The following ANO3 variants were observed in gnomAD, a reference collection of about 807,000 sequenced individuals.
ANO3 encodes the protein anoctamin 3, also known as anoctamin-3.
ANO3 carries 99 observed loss-of-function variants against 144.8 expected under a neutral mutation model. The observed-to-expected ratio is 0.68, with a 90% CI of 0.58 to 0.81. The LOEUF is 0.81. ANO3 is among the 30% of genes least tolerant of loss of function. The pLI is 0.00. For missense variants in ANO3, 905 were observed against 1,202.2 expected, an observed-to-expected ratio of 0.75 and a Z score of 3.66; for synonymous variants, 414 against 392.6, an observed-to-expected ratio of 1.05 and a Z score of -0.64.
At chr11:26,247,654 G>T (rs1323431603) in intron 1 of ANO3, among the ~76,000 whole-genome samples, 2 of 148,932 alleles carry the variant, frequency 1.3e-5, no homozygotes, top group Middle Eastern at 3.6e-3. Context: ...TGTGTCATGT[G>T]ATTATTTATT....
chr11:26,380,477 C>T (rs1856560022), intron 1 of ANO3, among the ~76,000 whole-genome samples: 1 of 152,158 alleles, frequency 6.6e-6, no homozygotes, highest in South Asian at 2.1e-4. Flanking sequence ...ATCAAGGCAT[C>T]AGCACATTAG....
chr11:26,248,455 C>A (rs967875703), intron 1 of ANO3, among the ~76,000 whole-genome samples: 1 of 152,134 alleles, frequency 6.6e-6, no homozygotes, highest in African/African-American at 2.4e-5. Flanking sequence ...ATCATATATG[C>A]CTCTGATATT....
chr11:26,624,694 A>G (rs1322719493), intron 18 of ANO3, among the ~76,000 whole-genome samples, 196 bp downstream of exon 18: 1 of 152,202 alleles, frequency 6.6e-6, no homozygotes, highest in African/African-American at 2.4e-5. Context: ...TAGTTACAAA[A>G]TATTTTTACT....
chr11:26,605,804 T>C (rs1413258143), intron 17 of ANO3, among the ~76,000 whole-genome samples: 1 of 152,158 alleles, frequency 6.6e-6, no homozygotes, highest in African/African-American at 2.4e-5. Flanking sequence ...CATTTTTTAT[T>C]GTGTCTATTT....
chr11:26,322,893 T>A (rs1359978576), intron 1 of ANO3, among the ~76,000 whole-genome samples: 1 of 152,176 alleles, frequency 6.6e-6, no homozygotes, highest in East Asian at 1.9e-4. Context: ...TTTGGAATTG[T>A]TCTGCATGGG....
At chr11:26,547,670 G>T in intron 12 of ANO3, 120 bp downstream of exon 12, 3 of 1,013,250 alleles carry the variant, frequency 3.0e-6, no homozygotes, top group Non-Finnish European at 4.3e-6. Flanking sequence ...TAATTTATTT[G>T]CTATTTCTGT....
chr11:26,644,899 A>C (rs1235816432), intron 23 of ANO3, among the ~76,000 whole-genome samples: 1 of 151,940 alleles, frequency 6.6e-6, no homozygotes, highest in African/African-American at 2.4e-5. Context: ...GTGTGTGTAC[A>C]TATATATATA....
At chr11:26,485,373 A>T (rs1404606082) in intron 4 of ANO3, among the ~76,000 whole-genome samples, 3 of 152,102 alleles carry the variant, frequency 2.0e-5, no homozygotes, top group East Asian at 3.9e-4. Flanking sequence ...GTTTTAAAAA[A>T]AAAAGTGTGG....
In ANO3 at chr11:26,635,217, C is replaced by A. The variant is rs947889552; in HGVS notation, c.2043+147C>A. On this transcript the variant is annotated intron_variant, in intron 20 of 26. Transcript: ENST00000256737. The stretch of plus-strand genomic sequence containing the variant: ...TTGTTCAGAAAGGAAGCAACTACAT[C>A]TTTTCAAAAAAGGGGGTGAACTGAA... The A allele has an allele frequency of 2.1e-5, 13 of 610,430 alleles. No individual in the cohort carries two copies. In the Admixed American group the frequency reaches 3.8e-4, roughly 18 times the overall value. 37.8% of individuals were successfully genotyped at this position (610,430 alleles called of 1,614,324 possible).
chr11:26,307,355 AAAAT>A (rs1204271192), upstream of ANO3, among the ~76,000 whole-genome samples: 5 of 144,746 alleles, frequency 3.5e-5, no homozygotes, highest in Admixed American at 6.9e-5. Flanking sequence ...ACTCTGTCTC[AAAAT>A]AAATAAGTAA....
At chr11:26,592,552 C>A (rs1031378890) in intron 14 of ANO3, among the ~76,000 whole-genome samples, 1 of 150,338 alleles carries the variant, frequency 6.7e-6, no homozygotes, top group Admixed American at 6.7e-5. Flanking sequence ...CTAGTAGATA[C>A]TGAAATCCCT....
intron 1 of ANO3, among the ~76,000 whole-genome samples, chr11:26,378,527 A>T (rs1460247651): frequency 6.6e-6 from 1 of 151,716 alleles, no homozygotes; most frequent in Non-Finnish European, 1.5e-5. Flanking sequence ...CACTTTTAAA[A>T]ATTAAAAAGT....
intron 4 of ANO3, among the ~76,000 whole-genome samples, chr11:26,507,277 TA>T (rs1861471820): frequency 1.3e-5 from 2 of 152,172 alleles, no homozygotes; most frequent in African/African-American, 4.8e-5. Flanking sequence ...AGAATGAAGT[TA>T]GGCAACAGTT....
chr11:26,604,147 C>G (rs1335713137), intron 17 of ANO3, among the ~76,000 whole-genome samples: 1 of 151,868 alleles, frequency 6.6e-6, no homozygotes, highest in Non-Finnish European at 1.5e-5. Context: ...ATGATATGAA[C>G]TCATTTATTG....
intron 3 of ANO3, among the ~76,000 whole-genome samples, chr11:26,452,135 A>C (rs543896386): frequency 2.0e-5 from 3 of 152,312 alleles, no homozygotes; most frequent in South Asian, 2.1e-4. Context: ...GATGGGGAAA[A>C]AACAGAGCAG....
chr11:26,454,465 T>A (rs1859071339), intron 3 of ANO3, among the ~76,000 whole-genome samples: 1 of 152,112 alleles, frequency 6.6e-6, no homozygotes, highest in Non-Finnish European at 1.5e-5. Flanking sequence ...TCAAATAAAC[T>A]AGAAAATCTA....
intron 1 of ANO3, among the ~76,000 whole-genome samples, chr11:26,223,178 A>G (rs1852184338): frequency 1.3e-5 from 2 of 152,094 alleles, no homozygotes; most frequent in Admixed American, 1.3e-4. Context: ...AGAAGCAGCC[A>G]TGCAACATCT....
intron 1 of ANO3, among the ~76,000 whole-genome samples, chr11:26,240,187 T>C (rs952794941): frequency 2.6e-5 from 4 of 152,202 alleles, no homozygotes; most frequent in African/African-American, 9.6e-5. Flanking sequence ...TTTCAATATT[T>C]CTGATAGTAC....
intron 26 of ANO3, among the ~76,000 whole-genome samples, chr11:26,658,934 A>G (rs1853784762): frequency 6.6e-6 from 1 of 152,088 alleles, no homozygotes; most frequent in South Asian, 2.1e-4. Context: ...TCCACAGGTT[A>G]TGCTAACTCT....
Sources: allele counts gnomAD v4.1 joint callset (sites outside exome capture counted in the v4.1 genomes callset), GRCh38; gene constraint gnomAD v4.1.1; transcripts MANE v1.5; gene names NCBI Gene and HGNC (gene_info 2026-07-23, HGNC 2026-07-21).